The following KLHL13 variants were observed in gnomAD, a reference collection of about 807,000 sequenced individuals.
KLHL13 encodes kelch-like protein 13.
Under a neutral mutation model 37.1 loss-of-function variants are expected in KLHL13, and 10 were observed. The observed-to-expected ratio is 0.27, with a 90% CI of 0.17 to 0.46. The LOEUF (loss-of-function observed/expected upper bound fraction) is 0.46, where lower values mean the gene tolerates loss of function less well. Ranked by LOEUF, KLHL13 falls within the 20% of genes least tolerant of loss-of-function variation. KLHL13 has a pLI of 1.00. For synonymous variants in KLHL13, 163 were observed against 181.2 expected, an observed-to-expected ratio of 0.90 and a Z score of 0.81; for missense variants, 360 against 509.3, an observed-to-expected ratio of 0.71 and a Z score of 2.82.
chrX:118,040,905 G>A (rs2054500370), intron 1 of KLHL13, among the ~76,000 whole-genome samples: 1 of 112,079 alleles, frequency 8.9e-6, no homozygotes, highest in African/African-American at 3.2e-5. Flanking sequence ...AGAGTGACAT[G>A]ACATATTTAA....
At chrX:117,992,913 C>T (rs1000940242) in intron 1 of KLHL13, among the ~76,000 whole-genome samples, 1 of 112,202 alleles carries the variant, frequency 8.9e-6, no homozygotes, top group Non-Finnish European at 1.9e-5. Flanking sequence ...ATTTAATAAG[C>T]ATCTACTTTG....
intron 1 of KLHL13, among the ~76,000 whole-genome samples, chrX:117,960,640 G>C (rs1181125302): frequency 8.9e-6 from 1 of 112,261 alleles, no homozygotes; most frequent in Non-Finnish European, 1.9e-5. Flanking sequence ...AATTTCCAGA[G>C]ACATGCAAAG....
At chrX:117,950,881 A>C (rs920144826) in intron 1 of KLHL13, among the ~76,000 whole-genome samples, 1 of 112,635 alleles carries the variant, frequency 8.9e-6, no homozygotes, top group African/African-American at 3.2e-5. Flanking sequence ...GTTGCATGGC[A>C]GGTGGAGAAG....
At chrX:118,090,463 T>A (rs1403777353) in intron 1 of KLHL13, among the ~76,000 whole-genome samples, 2 of 111,515 alleles carry the variant, frequency 1.8e-5, no homozygotes, top group Non-Finnish European at 3.8e-5. Context: ...AAAAAGTGGG[T>A]GAAGGATATC....
chrX:117,943,111 C>A (rs760934174), intron 2 of KLHL13, among the ~76,000 whole-genome samples: 90 of 111,341 alleles, frequency 8.1e-4, no homozygotes, highest in Non-Finnish European at 1.4e-3. Flanking sequence ...ATATGAAATT[C>A]TGGGTTGAAA....
At chrX:117,979,351 T>C (rs1373428440) in intron 1 of KLHL13, among the ~76,000 whole-genome samples, 1 of 111,811 alleles carries the variant, frequency 8.9e-6, no homozygotes, top group Non-Finnish European at 1.9e-5. Context: ...TCAGTAGGGG[T>C]AACATATCCA....
At chrX:118,046,443 C>T (rs1473236325) in intron 1 of KLHL13, among the ~76,000 whole-genome samples, 1 of 111,851 alleles carries the variant, frequency 8.9e-6, no homozygotes, top group Non-Finnish European at 1.9e-5. Context: ...TACAAAACTA[C>T]AGTTAGATAG....
chrX:118,011,721 T>C (rs758356119), intron 1 of KLHL13, among the ~76,000 whole-genome samples: 22 of 111,260 alleles, frequency 2.0e-4, no homozygotes, highest in African/African-American at 6.9e-4. Context: ...ATACCAAGAA[T>C]ATAGATGACA....
At chrX:117,912,649 T>C (rs1243095611) in intron 4 of KLHL13, among the ~76,000 whole-genome samples, 2 of 112,540 alleles carry the variant, frequency 1.8e-5, no homozygotes, top group African/African-American at 6.4e-5. Flanking sequence ...AATAGCTGCC[T>C]ACTTTTTTCT....
At chrX:117,950,327 C>T (rs1238616599) in intron 1 of KLHL13, among the ~76,000 whole-genome samples, 2 of 110,987 alleles carry the variant, frequency 1.8e-5, no homozygotes, top group Non-Finnish European at 3.8e-5. Context: ...ATCAGCCGCG[C>T]GCAGTGGCAG....
chrX:118,061,049 G>A (rs968442613), intron 1 of KLHL13, among the ~76,000 whole-genome samples: 4 of 111,250 alleles, frequency 3.6e-5, no homozygotes, highest in African/African-American at 1.3e-4. Flanking sequence ...GTGGGGTTGG[G>A]ACTTCAACAT....
intron 1 of KLHL13, among the ~76,000 whole-genome samples, chrX:117,996,787 G>A (rs531369170): frequency 4.7e-5 from 5 of 105,769 alleles, no homozygotes; most frequent in East Asian, 5.9e-4. Flanking sequence ...CCAGTAGCAC[G>A]CACATAATAC....
At chrX:118,078,098 CTCAT>C (rs945569372) in intron 1 of KLHL13, among the ~76,000 whole-genome samples, 3 of 111,377 alleles carry the variant, frequency 2.7e-5, no homozygotes, top group Admixed American at 9.6e-5. Flanking sequence ...ATTTTTGAAC[CTCAT>C]TCAAAGTATT....
intron 1 of KLHL13, among the ~76,000 whole-genome samples, chrX:118,043,789 T>C (rs945113724): frequency 8.9e-6 from 1 of 111,874 alleles, no homozygotes; most frequent in Non-Finnish European, 1.9e-5. Flanking sequence ...TAGTATCATA[T>C]TGAATGGGAA....
chrX:117,903,205 AC>A (rs1483985320), intron 5 of KLHL13, among the ~76,000 whole-genome samples: 1 of 107,190 alleles, frequency 9.3e-6, no homozygotes, highest in Non-Finnish European at 1.9e-5. Flanking sequence ...AGAGAGAGAG[AC>A]TACTTTTCCG....
chrX:118,095,746 A>G (rs193294582), intron 1 of KLHL13, among the ~76,000 whole-genome samples: 201 of 112,178 alleles, frequency 1.8e-3, no homozygotes, highest in African/African-American at 6.2e-3. Context: ...CTCATTCAAA[A>G]CCGCTCAACT....
At chrX:118,019,616 A>G (rs2054175273) in intron 1 of KLHL13, among the ~76,000 whole-genome samples, 1 of 111,189 alleles carries the variant, frequency 9.0e-6, no homozygotes, top group African/African-American at 3.3e-5. Context: ...TAGGGTTTTT[A>G]TGGTTTTAGG....
chrX:117,920,754 C>T (rs1158722058), intron 2 of KLHL13, among the ~76,000 whole-genome samples: 1 of 111,230 alleles, frequency 9.0e-6, no homozygotes, highest in Non-Finnish European at 1.9e-5. Context: ...ATTTAATAGT[C>T]CTTTTATAGT....
intron 1 of KLHL13, among the ~76,000 whole-genome samples, chrX:118,022,416 C>T (rs144828874): frequency 0.016 from 1,805 of 111,625 alleles, 33 homozygotes; most frequent in African/African-American, 0.055. Context: ...AACTTCTATA[C>T]TGTTTACCAT....
Sources: allele counts gnomAD v4.1 joint callset (sites outside exome capture counted in the v4.1 genomes callset), GRCh38; gene constraint gnomAD v4.1.1; transcripts MANE v1.5; gene names NCBI Gene and HGNC (gene_info 2026-07-23, HGNC 2026-07-21).